The following HNF4G variants were observed in gnomAD, a reference collection of about 807,000 sequenced individuals.
HNF4G encodes hepatocyte nuclear factor 4-gamma.
Under a neutral mutation model 50.9 loss-of-function variants are expected in HNF4G, and 21 were observed. The observed-to-expected ratio is 0.41, with a 90% CI of 0.29 to 0.59. The LOEUF (loss-of-function observed/expected upper bound fraction) is 0.59. Ranked by LOEUF, HNF4G falls within the 20% of genes least tolerant of loss-of-function variation. The pLI is 0.26. For missense variants in HNF4G, 527 were observed against 559.4 expected (o/e 0.94, Z 0.58); for synonymous variants, 198 against 185.6 (o/e 1.07, Z -0.54).
intron 2 of HNF4G, among the ~76,000 whole-genome samples, chr8:75,547,192 A>C (rs11996921): frequency 0.013 from 2,024 of 152,332 alleles, 30 homozygotes; most frequent in African/African-American, 0.042. Flanking sequence ...AGAATATTTG[A>C]AAAGAGAAAA....
intron 1 of HNF4G, among the ~76,000 whole-genome samples, chr8:75,466,570 CTCCT>C (rs542246055): frequency 0.01 from 677 of 64,820 alleles, 49 homozygotes; most frequent in Admixed American, 0.025. Context: ...TCTTTTCTCG[CTCCT>C]TCCTTCCTTC....
rs573359870 is a variant in HNF4G at position 75,454,443 on chromosome 8, G to A, written c.-143-35646G>A. ...GTTCTTACTATCCTGGGCATTGAAT[G>A]GTGTGTCTGGTACTTGGTACCCACT... On this transcript the variant is annotated intron_variant, in intron 1 of 10. Coordinates refer to the HNF4G transcript ENST00000354370. 2.6e-5 allele frequency among the ~76,000 whole-genome samples: 4 copies of A among 152,274 alleles called. No homozygotes were observed. The East Asian group carries it at 5.8e-4, about 22-fold the overall frequency.
At chr8:75,414,528 T>C (rs1233482854) in intron 1 of HNF4G, among the ~76,000 whole-genome samples, 2 of 152,202 alleles carry the variant, frequency 1.3e-5, no homozygotes, top group Admixed American at 6.5e-5. Flanking sequence ...TTTTATACAC[T>C]CTTTCTCCTG....
chr8:75,561,271 G>A (rs1403043561), intron 9 of HNF4G, among the ~76,000 whole-genome samples: 1 of 152,148 alleles, frequency 6.6e-6, no homozygotes, highest in African/African-American at 2.4e-5. Context: ...TTCCTTCGCT[G>A]GGTTCTTGGC....
At chr8:75,414,211 C>T (rs1239653458) in intron 1 of HNF4G, among the ~76,000 whole-genome samples, 10 of 152,046 alleles carry the variant, frequency 6.6e-5, no homozygotes, top group East Asian at 1.9e-4. Flanking sequence ...ATCTGATTTC[C>T]GTCATTAATG....
At chr8:75,466,874 G>A (rs1383159804) in intron 1 of HNF4G, among the ~76,000 whole-genome samples, 1 of 151,846 alleles carries the variant, frequency 6.6e-6, no homozygotes, top group Non-Finnish European at 1.5e-5. Context: ...TGTAGAGATG[G>A]GGTTTTGCCA....
At chr8:75,507,157 T>C (rs1805606388) in intron 2 of HNF4G, among the ~76,000 whole-genome samples, 1 of 152,200 alleles carries the variant, frequency 6.6e-6, no homozygotes, top group Non-Finnish European at 1.5e-5. Context: ...CAGGTAATTG[T>C]CTATTTTTAT....
intron 1 of HNF4G, among the ~76,000 whole-genome samples, chr8:75,452,827 A>C (rs1222966640): frequency 1.3e-5 from 2 of 152,224 alleles, no homozygotes; most frequent in Admixed American, 6.5e-5. Flanking sequence ...TCACTATTAG[A>C]TAATCAAAAT....
chr8:75,465,992 A>G (rs956722565), intron 1 of HNF4G, among the ~76,000 whole-genome samples: 1 of 152,152 alleles, frequency 6.6e-6, no homozygotes, highest in Non-Finnish European at 1.5e-5. Flanking sequence ...TAATATATAC[A>G]GAGTAAATAT....
Position 75,543,858 on chromosome 8 carries a change from A to T in HNF4G, c.166A>T (p.Asn56Tyr). 1 of 1,613,278 alleles carries T rather than the reference A, an allele frequency of 6.2e-7. No homozygotes were observed. The highest frequency in any genetic ancestry group is 8.5e-7 in the Non-Finnish European group (1 of 1,179,544). ...TSMNTTDNGV[N>Y]CLCAICGDRA... ...TATGAATACCACAGACAACGGTGTC[A>T]ACTGTCTGTGTGCTATCTGTGGGGA... Residue 56 changes from asparagine (N) to tyrosine (Y), a missense_variant, in exon 2 of 10, where the codon AAC (asparagine) becomes TAC (tyrosine). Coordinates refer to ENST00000396423, the MANE Select transcript of HNF4G (RefSeq NM_004133.5).
chr8:75,420,558 C>A (rs973565466), intron 1 of HNF4G, among the ~76,000 whole-genome samples: 2 of 152,278 alleles, frequency 1.3e-5, no homozygotes, highest in Middle Eastern at 6.8e-3. Context: ...TATCCCAGGG[C>A]CTTCCTTCAT....
intron 2 of HNF4G, among the ~76,000 whole-genome samples, chr8:75,547,335 G>C (rs1806810771): frequency 6.6e-6 from 1 of 152,194 alleles, no homozygotes; most frequent in Non-Finnish European, 1.5e-5. Flanking sequence ...CATGATAAAA[G>C]TGGTTATGCA....
At chr8:75,500,638 A>G (rs1184406110) in intron 2 of HNF4G, among the ~76,000 whole-genome samples, 1 of 152,174 alleles carries the variant, frequency 6.6e-6, no homozygotes, top group East Asian at 1.9e-4. Flanking sequence ...TAACATATGG[A>G]TAAGAAAATG....
In HNF4G at chr8:75,565,950, A is replaced by AT. The variant is rs1807450974; in HGVS notation, c.*1857dup. The AT allele has an allele frequency of 6.6e-6, 1 of 151,972 alleles. No individual in the cohort carries two copies. Among genetic ancestry groups the AT allele is most frequent in the Non-Finnish European group, 1.5e-5 (1 of 68,008 alleles). The allele number at this position is 151,972 out of a possible 1,614,324, so 9.4% of individuals were successfully genotyped here. A position where few individuals can be genotyped will look rare whatever the true frequency, so the allele number is the denominator to read the frequency against. ...TTTTTGAAAATTTACTGTAGCTTCT[A>AT]TTTCGTGAATAAGAATGTTTTGATT... On this transcript the variant is annotated 3_prime_UTR_variant, in exon 10 of 10. Transcript: ENST00000396423.
intron 2 of HNF4G, among the ~76,000 whole-genome samples, chr8:75,522,513 A>C (rs1222068157): frequency 6.6e-6 from 1 of 152,214 alleles, no homozygotes; most frequent in Non-Finnish European, 1.5e-5. Context: ...ACATAGATCT[A>C]CTATATTGTA....
chr8:75,474,690 A>G (rs537891021), intron 1 of HNF4G, among the ~76,000 whole-genome samples: 236 of 147,556 alleles, frequency 1.6e-3, no homozygotes, highest in African/African-American at 6.1e-3. Flanking sequence ...AGATGGAATT[A>G]TTATTTTTTA....
rs566480009 is a variant in HNF4G, at chr8:75,533,397, G to A, written c.-23-10414G>A. Among the ~76,000 whole-genome samples the A allele has an allele frequency of 3.6e-4, 55 of 151,954 alleles. No homozygotes were observed. In the South Asian group the frequency reaches 4.8e-3, roughly 13 times the overall value. ...TGTCTGATGCAACTTGAACCTTGGG[G>A]GTTCTTCAAAAGTTCTCCAGATAAT... On this transcript the variant is annotated intron_variant, in intron 2 of 10. Coordinates refer to the HNF4G transcript ENST00000354370.
upstream of HNF4G, among the ~76,000 whole-genome samples, chr8:75,539,681 G>A (rs1048707478): frequency 6.6e-6 from 1 of 152,010 alleles, no homozygotes; most frequent in African/African-American, 2.4e-5. Flanking sequence ...AATCAATTTA[G>A]GAAATCATGT....
intron 8 of HNF4G, among the ~76,000 whole-genome samples, chr8:75,559,280 T>TG (rs1179442379): frequency 3.7e-4 from 39 of 104,816 alleles, no homozygotes; most frequent in African/African-American, 1.5e-3. Context: ...TTTGTTTGTT[T>TG]TTTTTTTTTT....
Sources: allele counts gnomAD v4.1 joint callset (sites outside exome capture counted in the v4.1 genomes callset), GRCh38; gene constraint gnomAD v4.1.1; transcripts MANE v1.5; gene names NCBI Gene and HGNC (gene_info 2026-07-23, HGNC 2026-07-21).